AMPH: variants seen among roughly 807,000 people sequenced by gnomAD.
AMPH encodes the protein amphiphysin (Stiff-Mann syndrome with breast cancer 128kD autoantigen).
AMPH carries 49 observed loss-of-function variants against 99.1 expected under a neutral mutation model. The observed-to-expected ratio is 0.49, with a 90% CI of 0.39 to 0.63. AMPH has a LOEUF of 0.63. Ranked by LOEUF, AMPH falls within the 20% of genes least tolerant of loss-of-function variation. The probability of loss-of-function intolerance (pLI) is 0.00; values close to 1 mark genes in which losing one functional copy is unlikely to be tolerated. For missense variants in AMPH, 759 were observed against 863.4 expected (o/e 0.88, Z 1.52); for synonymous variants, 314 against 317.3 (o/e 0.99, Z 0.11).
chr7:38,393,880 T>TGGAGTCAC, intron 18 of AMPH, 125 bp downstream of exon 18: 1 of 819,400 alleles, frequency 1.2e-6, no homozygotes, highest in South Asian at 1.6e-5. Flanking sequence ...TGTTGTTTGG[T>TGGAGTCAC]GGAGTCACAA....
At chr7:38,413,479 C>T (rs966171830) in intron 17 of AMPH, among the ~76,000 whole-genome samples, 2 of 152,172 alleles carry the variant, frequency 1.3e-5, no homozygotes, top group African/African-American at 4.8e-5. Context: ...ACTAACAAAT[C>T]AATGACTTAG....
intron 1 of AMPH, among the ~76,000 whole-genome samples, chr7:38,604,801 G>A (rs1224642926): frequency 2.6e-5 from 4 of 152,164 alleles, no homozygotes; most frequent in East Asian, 1.9e-4. Context: ...AATGATGGCC[G>A]ATTCAAAGTT....
intron 11 of AMPH, among the ~76,000 whole-genome samples, chr7:38,438,184 A>T (rs545897379): frequency 1.1e-4 from 17 of 152,374 alleles, no homozygotes; most frequent in African/African-American, 3.8e-4. Context: ...TATGAACATT[A>T]CCTCATGTTA....
intron 12 of AMPH, among the ~76,000 whole-genome samples, chr7:38,433,769 G>A: frequency 1.4e-5 from 2 of 146,984 alleles, no homozygotes; most frequent in East Asian, 2.0e-4. Flanking sequence ...ATAAAAGCTA[G>A]TGCATGTCTC....
intron 1 of AMPH, among the ~76,000 whole-genome samples, chr7:38,618,324 A>G (rs1386929294): frequency 1.3e-5 from 2 of 151,778 alleles, no homozygotes; most frequent in African/African-American, 4.8e-5. Flanking sequence ...CATCCTGGCT[A>G]ACATGGTGAA....
At chr7:38,613,833 G>C (rs1273977363) in intron 1 of AMPH, among the ~76,000 whole-genome samples, 4 of 150,976 alleles carry the variant, frequency 2.6e-5, no homozygotes, top group Non-Finnish European at 5.9e-5. Context: ...AGCTTCTGTA[G>C]ATATAGAAGT....
At chr7:38,583,322 C>T (rs747746951) in intron 1 of AMPH, among the ~76,000 whole-genome samples, 89 of 152,138 alleles carry the variant, frequency 5.8e-4, no homozygotes, top group Non-Finnish European at 1.6e-4. Flanking sequence ...TTCATAAGTT[C>T]GTGACAATCA....
chr7:38,396,123 C>T (rs929203825), intron 17 of AMPH, among the ~76,000 whole-genome samples: 4 of 152,188 alleles, frequency 2.6e-5, no homozygotes, highest in African/African-American at 7.2e-5. Context: ...CCATGACATA[C>T]TTCCTTCTTT....
intron 5 of AMPH, among the ~76,000 whole-genome samples, chr7:38,488,822 C>T (rs1401600206): frequency 6.6e-6 from 1 of 151,930 alleles, no homozygotes. Flanking sequence ...GAAAACTATA[C>T]AATATTCAAA....
intron 2 of AMPH, among the ~76,000 whole-genome samples, chr7:38,508,452 G>C (rs1051574186): frequency 6.6e-6 from 1 of 152,120 alleles, no homozygotes; most frequent in African/African-American, 2.4e-5. Flanking sequence ...GTTATAAAAA[G>C]AAAAAGAAAG....
intron 1 of AMPH, among the ~76,000 whole-genome samples, chr7:38,623,039 T>C (rs913506458): frequency 6.6e-6 from 1 of 152,122 alleles, no homozygotes; most frequent in Non-Finnish European, 1.5e-5. Flanking sequence ...GTAAAAACCA[T>C]TGACTCATTT....
At chr7:38,575,885 C>A (rs1344345048) in intron 1 of AMPH, among the ~76,000 whole-genome samples, 1 of 152,206 alleles carries the variant, frequency 6.6e-6, no homozygotes, top group Non-Finnish European at 1.5e-5. Flanking sequence ...CAGAGCCAAG[C>A]AGAGAAGTGG....
At chr7:38,589,474 T>A (rs892809470) in intron 1 of AMPH, among the ~76,000 whole-genome samples, 2 of 152,194 alleles carry the variant, frequency 1.3e-5, no homozygotes, top group East Asian at 1.9e-4. Context: ...GTAATTTTTT[T>A]AAATAGCAGA....
Position 38,479,753 on chromosome 7 carries a change from TAATA to T in AMPH, c.397-2788_397-2785del, listed in dbSNP as rs1788221457. Among the ~76,000 whole-genome samples the T allele has an allele frequency of 3.2e-5, 4 of 123,402 alleles. No individual in the cohort carries two copies. The South Asian group carries it at 1.2e-3, about 37-fold the overall frequency. The allele number at this position is 123,402 out of a possible 152,430, so 81.0% of individuals were successfully genotyped here. A position where few individuals can be genotyped will look rare whatever the true frequency, so the allele number is the denominator to read the frequency against. On this transcript the variant is annotated intron_variant, in intron 5 of 20. Transcript: ENST00000356264. ...ATAAGGCAGCAACTAAGAAATAAAT[TAATA>T]AAGAAGTATCTACGTGCCCCATAAA...
intron 17 of AMPH, among the ~76,000 whole-genome samples, chr7:38,407,335 A>ATCTCTCTCTGTC (rs138663407): frequency 2.8e-5 from 4 of 140,480 alleles, no homozygotes; most frequent in Non-Finnish European, 3.1e-5. Flanking sequence ...ATTAGGGAAA[A>ATCTCTCTCTGTC]TCTCTCTCTC....
In AMPH at chr7:38,500,562, C is replaced by T. The variant is rs188317900; in HGVS notation, c.205+3088G>A. Among the ~76,000 whole-genome samples, 533 of 152,282 alleles carry T rather than the reference C, an allele frequency of 3.5e-3. 1 individual carries two copies. Among genetic ancestry groups the T allele is most frequent in the African/African-American group, 0.012 (498 of 41,560 alleles). ...GAATTATGCCAGTCTCTATAAGCAG[C>T]ACGCTCCACACCAAAGAGGCAGCAT... On this transcript the variant is annotated intron_variant, in intron 3 of 20. Transcript: ENST00000356264.
chr7:38,498,270 T>C (rs1418236877), intron 3 of AMPH, among the ~76,000 whole-genome samples: 1 of 152,152 alleles, frequency 6.6e-6, no homozygotes, highest in East Asian at 1.9e-4. Flanking sequence ...TAGATACTCA[T>C]CACCTACGAT....
chr7:38,580,438 T>C (rs1345673842), intron 1 of AMPH, among the ~76,000 whole-genome samples: 1 of 152,114 alleles, frequency 6.6e-6, no homozygotes, highest in Admixed American at 6.5e-5. Flanking sequence ...ACTTCACCTC[T>C]TTTTGCACAA....
chr7:38,490,209 C>T (rs1788669237), intron 5 of AMPH, among the ~76,000 whole-genome samples: 1 of 152,094 alleles, frequency 6.6e-6, no homozygotes, highest in Admixed American at 6.6e-5. Context: ...AAACCCAATT[C>T]ACACCTGTTA....
Sources: allele counts gnomAD v4.1 joint callset (sites outside exome capture counted in the v4.1 genomes callset), GRCh38; gene constraint gnomAD v4.1.1; transcripts MANE v1.5; gene names NCBI Gene and HGNC (gene_info 2026-07-23, HGNC 2026-07-21).